The following ANKDD1A variants were observed in gnomAD, a reference collection of about 807,000 sequenced individuals.
The protein encoded by ANKDD1A is ankyrin repeat and death domain-containing protein 1A.
A neutral mutation model predicts 63.5 loss-of-function variants in ANKDD1A; 59 were observed. That is an observed-to-expected ratio of 0.93 (90% CI 0.75 to 1.15). The LOEUF (loss-of-function observed/expected upper bound fraction) is 1.15. ANKDD1A is among the 50% of genes most tolerant of loss of function. The probability of loss-of-function intolerance (pLI) is 0.00; values close to 1 mark genes in which losing one functional copy is unlikely to be tolerated. For synonymous variants in ANKDD1A, 266 were observed against 263.9 expected (o/e 1.01, Z -0.08); for missense variants, 632 against 656.4 (o/e 0.96, Z 0.41).
chr15:64,927,691 G>T (rs375456155), intron 6 of ANKDD1A, among the ~76,000 whole-genome samples: 6 of 143,742 alleles, frequency 4.2e-5, no homozygotes, highest in Non-Finnish European at 4.5e-5. Flanking sequence ...TGCAAGCTCC[G>T]CCTCCCGGGT....
intron 6 of ANKDD1A, among the ~76,000 whole-genome samples, chr15:64,927,690 C>T (rs1335279825): frequency 4.0e-5 from 6 of 151,324 alleles, no homozygotes; most frequent in African/African-American, 7.3e-5. Context: ...CTGCAAGCTC[C>T]GCCTCCCGGG....
intron 14 of ANKDD1A, among the ~76,000 whole-genome samples, chr15:64,951,950 TCTTTC>T (rs1331968770): frequency 3.3e-5 from 5 of 149,812 alleles, no homozygotes; most frequent in South Asian, 4.2e-4. Context: ...TTCTTCTTCT[TCTTTC>T]CTTCTGCTCT....
intron 8 of ANKDD1A, among the ~76,000 whole-genome samples, chr15:64,933,802 A>AT (rs1555442017): frequency 1.5e-4 from 23 of 151,922 alleles, no homozygotes; most frequent in Non-Finnish European, 3.4e-4. Context: ...AGATTGTGCC[A>AT]TGTACTCCAG....
At chr15:64,949,790 T>A in intron 13 of ANKDD1A, 51 bp from the exon 14 acceptor site, 1 of 1,589,156 alleles carries the variant, frequency 6.3e-7, no homozygotes, top group Non-Finnish European at 8.5e-7. Context: ...TCTGGTCAAG[T>A]GGCCCCATTG....
chr15:64,936,568 G>A (rs1437486416), intron 9 of ANKDD1A, among the ~76,000 whole-genome samples: 1 of 152,216 alleles, frequency 6.6e-6, no homozygotes, highest in Non-Finnish European at 1.5e-5. Flanking sequence ...GCCAGGTGCA[G>A]TGGCTCACAT....
intron 4 of ANKDD1A, 147 bp downstream of exon 4, chr15:64,922,166 C>A: frequency 1.6e-6 from 1 of 641,696 alleles, no homozygotes; most frequent in East Asian, 2.8e-5. Context: ...ATCTCCCCCA[C>A]CTCCCTTTAC....
At chr15:64,937,607 A>G (rs1370647501) in intron 9 of ANKDD1A, among the ~76,000 whole-genome samples, 3 of 152,128 alleles carry the variant, frequency 2.0e-5, no homozygotes, top group African/African-American at 7.2e-5. Context: ...ACACGCCTGT[A>G]GTCCCAGCTA....
intron 10 of ANKDD1A, 85 bp from the exon 11 acceptor site, chr15:64,943,399 C>T: frequency 9.1e-7 from 1 of 1,098,508 alleles, no homozygotes; most frequent in Non-Finnish European, 1.4e-6. Context: ...AAGAAATATA[C>T]TAGGATCATT....
intron 8 of ANKDD1A, 101 bp from the exon 9 acceptor site, chr15:64,934,035 G>A: frequency 1.1e-6 from 1 of 898,942 alleles, no homozygotes; most frequent in East Asian, 2.6e-5. Flanking sequence ...TACTCCCAGG[G>A]GTGTTGTGAC....
intron 9 of ANKDD1A, among the ~76,000 whole-genome samples, chr15:64,939,385 A>G (rs1214767177): frequency 2.6e-5 from 4 of 152,108 alleles, no homozygotes; most frequent in Non-Finnish European, 5.9e-5. Context: ...GCACTTTGAG[A>G]AGTCGAGATG....
intron 7 of ANKDD1A, 135 bp downstream of exon 7, chr15:64,931,055 G>T: frequency 1.1e-6 from 1 of 884,088 alleles, no homozygotes; most frequent in Non-Finnish European, 1.7e-6. Context: ...GCCCACCAGG[G>T]AAAGACAAGC....
At chr15:64,929,656 T>G (rs540290137) in intron 6 of ANKDD1A, among the ~76,000 whole-genome samples, 1 of 152,304 alleles carries the variant, frequency 6.6e-6, no homozygotes, top group Admixed American at 6.5e-5. Flanking sequence ...CAGGGACACA[T>G]GTCAAGCTCT....
chr15:64,953,481 T>C (rs867197490), intron 14 of ANKDD1A, among the ~76,000 whole-genome samples: 1 of 89,732 alleles, frequency 1.1e-5, no homozygotes, highest in African/African-American at 3.3e-5. Flanking sequence ...TCCTCTTCCT[T>C]CTCCTTCTTC....
At chr15:64,954,781 TCTTC>T (rs2085398131) in intron 14 of ANKDD1A, among the ~76,000 whole-genome samples, 1 of 147,346 alleles carries the variant, frequency 6.8e-6, no homozygotes, top group Non-Finnish European at 1.5e-5. Flanking sequence ...TTCTTCTCCT[TCTTC>T]CTTCTCCTTA....
intron 14 of ANKDD1A, among the ~76,000 whole-genome samples, chr15:64,952,064 T>C (rs533085308): frequency 0.073 from 397 of 5,462 alleles, 3 homozygotes; most frequent in African/African-American, 0.093. Context: ...TCTTAGTTCT[T>C]CCTTTCTTCT....
intron 14 of ANKDD1A, chr15:64,951,265 G>C (rs2085267362): frequency 2.4e-6 from 2 of 836,482 alleles, no homozygotes; most frequent in Non-Finnish European, 1.4e-6. Context: ...GGCACACTTT[G>C]TTTATTTCTT....
At chr15:64,931,872 C>A in intron 8 of ANKDD1A, 1 of 535,538 alleles carries the variant, frequency 1.9e-6, no homozygotes, top group Non-Finnish European at 3.3e-6. Flanking sequence ...TAGGGCCCAA[C>A]ACCTCAATAC....
intron 2 of ANKDD1A, 120 bp downstream of exon 2, chr15:64,916,020 G>A: frequency 1.0e-6 from 1 of 967,508 alleles, no homozygotes; most frequent in Non-Finnish European, 1.5e-6. Flanking sequence ...AAACTTGGAG[G>A]GAGGCTCGGG....
intron 3 of ANKDD1A, among the ~76,000 whole-genome samples, chr15:64,920,867 C>G (rs576597817): frequency 7.2e-4 from 110 of 152,208 alleles, no homozygotes; most frequent in African/African-American, 2.6e-3. Flanking sequence ...GAGATTTAAA[C>G]AGTCCATTCT....
Sources: allele counts gnomAD v4.1 joint callset (sites outside exome capture counted in the v4.1 genomes callset), GRCh38; gene constraint gnomAD v4.1.1; transcripts MANE v1.5; gene names NCBI Gene and HGNC (gene_info 2026-07-23, HGNC 2026-07-21).